Variants in LOC400499 observed in about 807,000 individuals in gnomAD.
At chr16:11,432,765 G>A in the LOC400499 span, among the ~76,000 whole-genome samples, 257 of 152,276 alleles carry the variant, frequency 1.7e-3, no homozygotes, top group Non-Finnish European at 1.8e-3. Context: ...GTGGTGCACA[G>A]CTGTGGACTG....
chr16:11,481,789 T>G, the LOC400499 span, among the ~76,000 whole-genome samples: 1 of 152,184 alleles, frequency 6.6e-6, no homozygotes, highest in South Asian at 2.1e-4. Flanking sequence ...CACACCACCA[T>G]GCCCAGCAAA....
chr16:11,518,494 C>T, the LOC400499 span, among the ~76,000 whole-genome samples: 5 of 152,140 alleles, frequency 3.3e-5, no homozygotes, highest in African/African-American at 1.2e-4. Flanking sequence ...GCCCGGCAGT[C>T]CCATTAGCCG....
the LOC400499 span, among the ~76,000 whole-genome samples, chr16:11,507,669 C>T: frequency 4.6e-5 from 7 of 152,342 alleles, no homozygotes; most frequent in East Asian, 1.9e-4. Context: ...CAGTGGCTCA[C>T]GCCTGTAATC....
chr16:11,436,369 G>T, the LOC400499 span, among the ~76,000 whole-genome samples: 8 of 152,132 alleles, frequency 5.3e-5, no homozygotes, highest in Admixed American at 2.6e-4. Context: ...TCAGGCTGGG[G>T]TGAACATGTA....
chr16:11,393,310 T>C, the LOC400499 span: 1 of 1,155,214 alleles, frequency 8.7e-7, no homozygotes, highest in Non-Finnish European at 1.1e-6. Flanking sequence ...TCTGAAATCT[T>C]AACGCCCAGA....
chr16:11,521,064 A>G, the LOC400499 span, among the ~76,000 whole-genome samples: 16 of 152,308 alleles, frequency 1.1e-4, no homozygotes, highest in African/African-American at 3.6e-4. Context: ...AAGGGTGTAA[A>G]AGGATGATAA....
chr16:11,471,476 T>A, the LOC400499 span: 1 of 395,550 alleles, frequency 2.5e-6, no homozygotes, highest in Non-Finnish European at 4.5e-6. Flanking sequence ...AGTTAATGCA[T>A]CATACAGCCC....
At chr16:11,385,106 G>A in the LOC400499 span, 40 of 1,231,712 alleles carry the variant, frequency 3.2e-5, 1 homozygote, top group African/African-American at 5.7e-4. Context: ...CTGACCCACA[G>A]CCAGGTGACA....
At chr16:11,431,758 G>C in the LOC400499 span, among the ~76,000 whole-genome samples, 4 of 152,290 alleles carry the variant, frequency 2.6e-5, no homozygotes, top group East Asian at 5.8e-4. Context: ...GTGTGAAACA[G>C]TGTGTTTGCA....
chr16:11,509,002 CAT>C, the LOC400499 span: 22 of 395,762 alleles, frequency 5.6e-5, no homozygotes, highest in Non-Finnish European at 8.9e-5. Flanking sequence ...CGAGGGAAAT[CAT>C]AGCAGCGTCA....
At chr16:11,391,944 T>C in the LOC400499 span, 1 of 697,922 alleles carries the variant, frequency 1.4e-6, no homozygotes, top group Non-Finnish European at 2.0e-6. Context: ...GAGTGGGGGC[T>C]ACAAGCCAGG....
the LOC400499 span, chr16:11,450,945 G>A: frequency 1.2e-6 from 1 of 842,846 alleles, no homozygotes. Context: ...GGAATAACTA[G>A]GCATGAGGGA....
At chr16:11,462,033 A>G in the LOC400499 span, 4 of 1,215,542 alleles carry the variant, frequency 3.3e-6, no homozygotes, top group Non-Finnish European at 4.4e-6. Context: ...AGCTGCAGTG[A>G]TGAGGACCAT....
the LOC400499 span, chr16:11,462,570 G>A: frequency 2.1e-4 from 63 of 302,408 alleles, no homozygotes; most frequent in African/African-American, 1.2e-3. Context: ...TTACAGTCAC[G>A]TGCCACCACA....
chr16:11,501,163 C>T, the LOC400499 span, among the ~76,000 whole-genome samples: 1 of 152,184 alleles, frequency 6.6e-6, no homozygotes, highest in East Asian at 1.9e-4. Flanking sequence ...CAGCACCCAG[C>T]CCAGACCCCG....
At chr16:11,466,947 A>G in the LOC400499 span, among the ~76,000 whole-genome samples, 1 of 151,932 alleles carries the variant, frequency 6.6e-6, no homozygotes, top group Non-Finnish European at 1.5e-5. Flanking sequence ...GTATGCACGC[A>G]CACACACACA....
At chr16:11,462,751 C>G in the LOC400499 span, among the ~76,000 whole-genome samples, 1 of 152,114 alleles carries the variant, frequency 6.6e-6, no homozygotes, top group South Asian at 2.1e-4. Flanking sequence ...CTCTGGATTT[C>G]TCAAAATTAG....
chr16:11,416,032 T>C, the LOC400499 span, among the ~76,000 whole-genome samples: 3 of 151,446 alleles, frequency 2.0e-5, no homozygotes, highest in South Asian at 2.1e-4. Context: ...CTCGGCTCAC[T>C]GCAACCTCCG....
At chr16:11,418,078 C>T in the LOC400499 span, among the ~76,000 whole-genome samples, 1 of 152,178 alleles carries the variant, frequency 6.6e-6, no homozygotes, top group African/African-American at 2.4e-5. Flanking sequence ...GGAAGTGGGG[C>T]AGGCAGGGGA....
Sources: gnomAD v4.1 joint callset for allele counts (sites outside exome capture counted in the v4.1 genomes callset) on GRCh38, gnomAD v4.1.1 for gene constraint, MANE v1.5 for transcripts.